Variants in ALAS2 observed in about 807,000 individuals in gnomAD.
The protein encoded by ALAS2 is 5'-aminolevulinate synthase 2.
A neutral mutation model predicts 33.7 loss-of-function variants in ALAS2; 3 were observed. The observed-to-expected ratio is 0.09, with a 90% confidence interval of 0.04 to 0.23. The LOEUF is 0.23. Among genes scored for constraint, ALAS2 ranks in the 10% least tolerant of loss-of-function variants. The pLI, the probability that ALAS2 is intolerant of heterozygous loss-of-function variation, is 1.00. For missense variants in ALAS2, 304 were observed against 475.1 expected, an observed-to-expected ratio of 0.64 and a Z score of 3.35; for synonymous variants, 191 against 177.3, an observed-to-expected ratio of 1.08 and a Z score of -0.61.
chrX:55,018,618 A>G (rs1432082799), intron 6 of ALAS2, among the ~76,000 whole-genome samples: 1 of 111,931 alleles, frequency 8.9e-6, no homozygotes, highest in African/African-American at 3.3e-5. Context: ...ATATGAATGA[A>G]TGTATTACTG....
chrX:55,029,121 C>T (rs1419439953), intron 1 of ALAS2, among the ~76,000 whole-genome samples: 1 of 111,572 alleles, frequency 9.0e-6, no homozygotes, highest in African/African-American at 3.3e-5. Context: ...TTATTTTCTC[C>T]ATTTCCCATG....
At chrX:55,013,218 G>A (rs1225515894) in intron 10 of ALAS2, among the ~76,000 whole-genome samples, 2 of 111,396 alleles carry the variant, frequency 1.8e-5, no homozygotes, top group South Asian at 3.8e-4. Context: ...TCTCTGCTCC[G>A]ACAACTCTAT....
chrX:55,021,364 C>T, intron 4 of ALAS2, 90 bp from the exon 5 acceptor site: 1 of 740,568 alleles, frequency 1.4e-6, no homozygotes, highest in Non-Finnish European at 2.1e-6. Context: ...ATTTTGAGTT[C>T]TCCAACTCTT....
At position 55,015,492 on chromosome X, in the gene ALAS2, T is replaced by G. The variant is rs1602245814; in HGVS notation, c.1168+86A>C. ...CTGTGAATTCTGTCCAAACAACCCC[T>G]ATAGCTTTGGGGAGGAGGCAGAAAA... On this transcript the variant is annotated intron_variant, in intron 8 of 10. Transcript: ENST00000650242. 9.1e-6 allele frequency: 10 copies of G among 1,098,601 alleles called. No homozygotes were observed. The East Asian group carries it at 3.0e-4, about 33-fold the overall frequency. 90.5% of individuals were successfully genotyped at this position (1,098,601 alleles called of 1,213,427 possible). A position where few individuals can be genotyped will look rare whatever the true frequency, so the allele number is the denominator to read the frequency against.
rs1569547733 is a variant in ALAS2, at chrX:55,009,356, G to A, written c.1601-13C>T. 8.4e-7 allele frequency: 1 copy of A among 1,192,255 alleles called. No individual in the cohort carries two copies. The highest frequency in any genetic ancestry group is 1.1e-6 in the Non-Finnish European group (1 of 884,980). The stretch of plus-strand genomic sequence containing the variant: ...AGCAGCAGCTTCTCTGAAGGTGGTA[G>A]GGGGAGGGGAGGGAAAAAATGGGTT... On this transcript the variant is annotated splice_polypyrimidine_tract_variant and intron_variant, in intron 10 of 10. Transcript: ENST00000650242.
In ALAS2 at chrX:55,023,191, G is replaced by GGTGTGT. The variant is rs747543670; in HGVS notation, c.415+560_415+565dup. Among the ~76,000 whole-genome samples, 427 of 98,701 alleles carry GGTGTGT rather than the reference G, an allele frequency of 4.3e-3. 6 individuals are homozygous for GGTGTGT. The highest frequency in any genetic ancestry group is 0.014 in the African/African-American group (379 of 27,205). The allele number at this position is 98,701 out of a possible 115,157, so 85.7% of individuals were successfully genotyped here. A position where few individuals can be genotyped will look rare whatever the true frequency, so the allele number is the denominator to read the frequency against. ...CATGGGTGTGGTGAAGAGAGCAGAG[G>GGTGTGT]GTGTGTGTGTGTGTGTGTGTGTGTG... On this transcript the variant is annotated intron_variant, in intron 4 of 10. Transcript: ENST00000650242.
intron 10 of ALAS2, among the ~76,000 whole-genome samples, chrX:55,011,035 C>T (rs1454645988): frequency 9.0e-6 from 1 of 111,082 alleles, no homozygotes; most frequent in African/African-American, 3.3e-5. Context: ...TGAGCAAAGT[C>T]CCAGAGGTAA....
In ALAS2 at chrX:55,009,952, A is replaced by G. The variant is rs773093306; in HGVS notation, c.1601-609T>C. On this transcript the variant is annotated intron_variant, in intron 10 of 10. Transcript: ENST00000650242. Reference sequence around the variant, plus strand: ...ACTGGTTTCCAATCTTGTATATCCAATGGCTTTTCTCCATCTCCACCTAGA... The same window carrying G: ...ACTGGTTTCCAATCTTGTATATCCAGTGGCTTTTCTCCATCTCCACCTAGA... Among the ~76,000 whole-genome samples, 6 of 111,293 alleles carry G rather than the reference A, an allele frequency of 5.4e-5. No individual in the cohort carries two copies. The East Asian group carries it at 1.7e-3, about 32-fold the overall frequency.
Position 55,009,229 on chromosome X carries a change from C to T in ALAS2, c.1715G>A (p.Arg572His). 1 of 1,207,942 alleles carries T rather than the reference C, an allele frequency of 8.3e-7. No individual in the cohort carries two copies. Among genetic ancestry groups the T allele is most frequent in the Non-Finnish European group, 1.1e-6 (1 of 893,834 alleles). The part of the protein sequence containing the change: ...VHFELMSEWE[R>H]SYFGNMGPQY... ...GGGCCCCATGTTCCCGAAGTAGGAA[C>T]GTTCCCACTCACTCATGAGCTCAAA... The change falls in exon 11 of 11, where the codon CGT becomes CAT. Residue 572 changes from arginine to histidine, a missense_variant. Around this residue, in one of 3 missense-constraint regions of ALAS2, gnomAD observed 95 missense variants for 127.0 expected, o/e 0.75. Transcript: ENST00000650242.
intron 7 of ALAS2, among the ~76,000 whole-genome samples, chrX:55,015,987 G>C (rs1027199400): frequency 6.6e-5 from 7 of 105,778 alleles, no homozygotes; most frequent in Admixed American, 3.1e-4. Flanking sequence ...GTGTGTGTGT[G>C]TGTGTGTGTG....
rs367690019 is a variant in ALAS2, at chrX:55,025,975, T to A, written c.26A>T (p.Gln9Leu). 8.3e-7 allele frequency: 1 copy of A among 1,211,216 alleles called. No individual in the cohort carries two copies. The highest frequency in any genetic ancestry group is 1.7e-5 in the African/African-American group (1 of 57,706). Residue 9 changes from glutamine (Q) to leucine (L), a missense_variant, in exon 2 of 11, where the codon CAG becomes CTG. Physicochemically the swap from Gln to Leu is moderately radical, Grantham distance 113 (BLOSUM62 -2). Transcript: ENST00000650242. Reference sequence around the variant, plus strand: ...GCCCCGGGCAAGCACTGGGCAGCACTGTAGCAGCATGGCTGCAGTCACCAT... The same window carrying A: ...GCCCCGGGCAAGCACTGGGCAGCACAGTAGCAGCATGGCTGCAGTCACCAT... The part of the protein sequence containing the change: MVTAAMLL[Q>L]CCPVLARGPT...
intron 10 of ALAS2, 81 bp from the exon 11 acceptor site, chrX:55,009,424 A>G (rs1935562289): frequency 9.9e-7 from 1 of 1,009,230 alleles, no homozygotes; most frequent in African/African-American, 1.9e-5. Context: ...ATGAGCCAAG[A>G]TATTGATCCC....
At chrX:55,016,635 G>C (rs1225344066) in intron 7 of ALAS2, among the ~76,000 whole-genome samples, 1 of 111,744 alleles carries the variant, frequency 8.9e-6, no homozygotes, top group Non-Finnish European at 1.9e-5. Context: ...GAAATGAGTT[G>C]AGGACCTCTT....
At chrX:55,018,777 AGGGTG>A (rs1935748984) in intron 6 of ALAS2, among the ~76,000 whole-genome samples, 1 of 111,058 alleles carries the variant, frequency 9.0e-6, no homozygotes, top group Non-Finnish European at 1.9e-5. Context: ...ACCAGGGCTG[AGGGTG>A]GGGTGACAAA....
Position 55,023,815 on chromosome X carries a change from G to C in ALAS2, c.357C>G (p.Pro119=). 8.3e-7 allele frequency: 1 copy of C among 1,211,186 alleles called. No individual in the cohort carries two copies. Among genetic ancestry groups the C allele is most frequent in the Non-Finnish European group, 1.1e-6 (1 of 895,353 alleles). The stretch of plus-strand genomic sequence containing the variant: ...TCCCAGAGATCTGCTCCTGCTCCTG[G>C]GGACCGGAAAATGGCTTCCTTAGGC... ...SVSLRKPFSG[P]QEQEQISGKV... The change falls in exon 4 of 11, where the codon CCC becomes CCG. Residue 119 remains proline, a synonymous_variant. Coordinates refer to ENST00000650242, the MANE Select transcript of ALAS2 (RefSeq NM_000032.5).
At position 55,014,949 on chromosome X, in the gene ALAS2, G is replaced by C; in HGVS notation, c.1235C>G (p.Ser412Cys). 1 of 1,210,285 alleles carries C rather than the reference G, an allele frequency of 8.3e-7. No homozygotes were observed. The highest frequency in any genetic ancestry group is 1.1e-6 in the Non-Finnish European group (1 of 894,694). The change falls in exon 9 of 11, where the codon TCC becomes TGC. Residue 412 changes from serine to cysteine, a missense_variant. Physicochemically the swap from Ser to Cys is moderately radical, Grantham distance 112 (BLOSUM62 -1). Around this residue, in one of 3 missense-constraint regions of ALAS2, gnomAD observed 138 missense variants for 265.3 expected, o/e 0.52. Transcript: ENST00000650242. ...GGTAAAGATGAAGCCTGCAGCATAGGAGCGCACCATGTCCACCAAGTCACG... is the reference window on the plus strand; with the variant it reads ...GGTAAAGATGAAGCCTGCAGCATAGCAGCGCACCATGTCCACCAAGTCACG... ...STRDLVDMVRSYAAGFIFTTS... is the reference protein window; with the variant it reads ...STRDLVDMVRCYAAGFIFTTS...
At position 55,024,737 on chromosome X, in the gene ALAS2, A is replaced by G. The variant is rs1254424744; in HGVS notation, c.285T>C (p.Asp95=). Residue 95 remains aspartate, a synonymous_variant, in exon 3 of 11, where the codon GAT becomes GAC. Coordinates refer to ENST00000650242, the MANE Select transcript of ALAS2 (RefSeq NM_000032.5). ...VQKAAPEVQE[D]VKAFKTDLPS... ...TCCAACCTGTCTTGAAAGCCTTCAC[A>G]TCTTCCTGGACTTCTGGGGCTGCCT... 1 of 1,211,830 alleles carries G rather than the reference A, an allele frequency of 8.3e-7. No individual in the cohort carries two copies. Among genetic ancestry groups the G allele is most frequent in the African/African-American group, 1.7e-5 (1 of 57,807 alleles).
At chrX:55,022,020 T>G (rs1315324641) in intron 4 of ALAS2, among the ~76,000 whole-genome samples, 1 of 112,270 alleles carries the variant, frequency 8.9e-6, no homozygotes, top group African/African-American at 3.2e-5. Flanking sequence ...TTAGACAACT[T>G]GACCAGGGTC....
intron 5 of ALAS2, 130 bp downstream of exon 5, chrX:55,020,922 G>T (rs1935793947): frequency 5.4e-6 from 3 of 551,945 alleles, no homozygotes; most frequent in African/African-American, 4.6e-5. Context: ...TAGATATGAT[G>T]GAGGACCTTG....
Sources: allele counts gnomAD v4.1 joint callset (sites outside exome capture counted in the v4.1 genomes callset), GRCh38; gene constraint gnomAD v4.1.1; regional missense constraint gnomAD v4.1.1; transcripts MANE v1.5; gene names NCBI Gene and HGNC (gene_info 2026-07-23, HGNC 2026-07-21).